CEP112: variants seen among roughly 807,000 people sequenced by gnomAD.
The protein encoded by CEP112 is centrosomal protein of 112 kDa.
CEP112 carries 127 observed loss-of-function variants against 153.0 expected under a neutral mutation model. The observed-to-expected ratio is 0.83, with a 90% CI of 0.72 to 0.96. The LOEUF (loss-of-function observed/expected upper bound fraction) is 0.96, where lower values mean the gene tolerates loss of function less well. Ranked by LOEUF, CEP112 falls within the 40% of genes least tolerant of loss-of-function variation. CEP112 has a pLI of 0.00. For synonymous variants in CEP112, 358 were observed against 374.4 expected, an observed-to-expected ratio of 0.96 and a Z score of 0.51; for missense variants, 1,089 against 1,101.2, an observed-to-expected ratio of 0.99 and a Z score of 0.16.
intron 21 of CEP112, among the ~76,000 whole-genome samples, chr17:65,787,048 T>C (rs1427107516): frequency 6.6e-6 from 1 of 152,236 alleles, no homozygotes; most frequent in African/African-American, 2.4e-5. Flanking sequence ...CTCTCTATTC[T>C]GTTTCTTTGG....
chr17:65,660,852 G>A (rs2046356046), intron 24 of CEP112, among the ~76,000 whole-genome samples: 1 of 152,042 alleles, frequency 6.6e-6, no homozygotes, highest in Non-Finnish European at 1.5e-5. Flanking sequence ...CTTGATTTCT[G>A]TTACAGGAAG....
At chr17:65,793,890 C>A (rs959666589) in intron 21 of CEP112, among the ~76,000 whole-genome samples, 6 of 152,220 alleles carry the variant, frequency 3.9e-5, no homozygotes, top group Non-Finnish European at 8.8e-5. Context: ...TGACCTATAT[C>A]TTATTTCTCT....
At chr17:65,866,273 G>T (rs751113136) in intron 20 of CEP112, among the ~76,000 whole-genome samples, 9 of 152,184 alleles carry the variant, frequency 5.9e-5, no homozygotes, top group Non-Finnish European at 1.0e-4. Flanking sequence ...CCGGTTGTGC[G>T]CACCCTCGAG....
intron 21 of CEP112, chr17:65,826,056 A>G: frequency 7.2e-7 from 1 of 1,384,054 alleles, no homozygotes; most frequent in Non-Finnish European, 1.0e-6. Context: ...TGAATTACCA[A>G]TGCCTAACTC....
At chr17:65,783,676 A>C (rs2145651760) in intron 21 of CEP112, among the ~76,000 whole-genome samples, 1 of 152,344 alleles carries the variant, frequency 6.6e-6, no homozygotes, top group East Asian at 1.9e-4. Flanking sequence ...TTAATATAAT[A>C]TTCAAAATGT....
Position 65,927,572 on chromosome 17 carries a change from A to G in CEP112, c.1980+10T>C. The stretch of plus-strand genomic sequence containing the variant: ...AAAATTTAATGGCAGCATCAAAATG[A>G]AAGACCAACCTGTTGTTCATACCGC... On this transcript the variant is annotated intron_variant, in intron 19 of 26. Coordinates refer to ENST00000535342, the MANE Select transcript of CEP112 (RefSeq NM_001199165.4). 6.6e-7 allele frequency: 1 copy of G among 1,522,362 alleles called. No homozygotes were observed. The highest frequency in any genetic ancestry group is 8.9e-7 in the Non-Finnish European group (1 of 1,122,444). The allele number at this position is 1,522,362 out of a possible 1,614,324, so 94.3% of individuals were successfully genotyped here.
At chr17:65,952,747 T>C (rs2061878077) in intron 18 of CEP112, among the ~76,000 whole-genome samples, 1 of 152,190 alleles carries the variant, frequency 6.6e-6, no homozygotes, top group Non-Finnish European at 1.5e-5. Context: ...AGAGCTTCAA[T>C]TGCACCACAA....
intron 20 of CEP112, among the ~76,000 whole-genome samples, chr17:65,858,972 A>C (rs2058213762): frequency 6.6e-6 from 1 of 152,200 alleles, no homozygotes. Context: ...AAAAAGTGTC[A>C]AAAGTGTCTT....
chr17:66,003,381 AG>A, intron 17 of CEP112, among the ~76,000 whole-genome samples: 1 of 152,322 alleles, frequency 6.6e-6, no homozygotes, highest in Non-Finnish European at 1.5e-5. Flanking sequence ...CACCACTAAA[AG>A]ATACTATATT....
At position 66,154,186 on chromosome 17, in the gene CEP112, G is replaced by T. The variant is rs981916869; in HGVS notation, c.470+20858C>A. 2.0e-5 allele frequency among the ~76,000 whole-genome samples: 3 copies of T among 149,058 alleles called. No homozygotes were observed. The Admixed American group carries it at 2.0e-4, about 10-fold the overall frequency. ...GAGTGAGACTCCGTCTCAAAAAAAA[G>T]GGGGGGCCAACTACAGCAGTGTGAA... On this transcript the variant is annotated intron_variant, in intron 4 of 26. Transcript: ENST00000535342.
chr17:65,896,230 T>C (rs2059654618), intron 20 of CEP112, among the ~76,000 whole-genome samples: 1 of 152,112 alleles, frequency 6.6e-6, no homozygotes, highest in African/African-American at 2.4e-5. Flanking sequence ...CTGTATCTTC[T>C]ACAAATGGAT....
At chr17:66,037,096 AT>A (rs1350386594) in intron 12 of CEP112, among the ~76,000 whole-genome samples, 5 of 152,202 alleles carry the variant, frequency 3.3e-5, no homozygotes. Flanking sequence ...ATGGGATATT[AT>A]AATCTATTTG....
intron 21 of CEP112, among the ~76,000 whole-genome samples, chr17:65,829,496 G>A (rs1384849628): frequency 6.6e-6 from 1 of 152,102 alleles, no homozygotes; most frequent in Non-Finnish European, 1.5e-5. Context: ...ATAGGAGGCG[G>A]GAGTGTGAAA....
intron 20 of CEP112, among the ~76,000 whole-genome samples, chr17:65,871,566 C>T (rs753966241): frequency 2.0e-5 from 3 of 152,100 alleles, no homozygotes; most frequent in Non-Finnish European, 4.4e-5. Context: ...ATCTGGGAGG[C>T]GGAGATTACA....
chr17:65,801,418 A>C (rs999705515), intron 21 of CEP112, among the ~76,000 whole-genome samples: 2 of 152,186 alleles, frequency 1.3e-5, no homozygotes, highest in African/African-American at 4.8e-5. Flanking sequence ...ATTTTGATGA[A>C]GTCCAATTTA....
At chr17:65,864,742 C>G (rs1429950561) in intron 20 of CEP112, among the ~76,000 whole-genome samples, 1 of 152,152 alleles carries the variant, frequency 6.6e-6, no homozygotes, top group East Asian at 1.9e-4. Flanking sequence ...CCACCGGCAT[C>G]TTTATTATTA....
rs148500447 is a variant in CEP112 at position 65,807,850 on chromosome 17, C to T, written c.2394+43954G>A. Among the ~76,000 whole-genome samples, 1,325 of 152,340 alleles carry T rather than the reference C, an allele frequency of 8.7e-3. 8 individuals are homozygous for T. Among genetic ancestry groups the T allele is most frequent in the Non-Finnish European group, 0.014 (978 of 68,024 alleles). ...CCCTCATGGAGAACCTCTAGTAAAG[C>T]AGTGCAGAGGGGAAATGTGGGGTTG... On this transcript the variant is annotated intron_variant, in intron 21 of 26. Coordinates refer to ENST00000535342, the MANE Select transcript of CEP112 (RefSeq NM_001199165.4).
intron 8 of CEP112, among the ~76,000 whole-genome samples, chr17:66,078,779 A>T (rs2067605917): frequency 6.6e-6 from 1 of 152,052 alleles, no homozygotes; most frequent in African/African-American, 2.4e-5. Flanking sequence ...TTGTTTCAAG[A>T]TTTAGAGCTC....
chr17:66,029,046 T>C, intron 14 of CEP112, 77 bp downstream of exon 14: 1 of 1,117,210 alleles, frequency 9.0e-7, no homozygotes, highest in South Asian at 1.8e-5. Flanking sequence ...TGCCAAATAA[T>C]TTCTACTTGG....
Sources: allele counts gnomAD v4.1 joint callset (sites outside exome capture counted in the v4.1 genomes callset), GRCh38; gene constraint gnomAD v4.1.1; transcripts MANE v1.5; gene names NCBI Gene and HGNC (gene_info 2026-07-23, HGNC 2026-07-21).